Variants in GRID1 observed in about 807,000 individuals in gnomAD.
GRID1 encodes glutamate receptor ionotropic, delta-1.
In GRID1, 28 loss-of-function variants were observed where a neutral mutation model predicts 98.0. The observed-to-expected ratio is 0.29, with a 90% CI of 0.21 to 0.39. The LOEUF (loss-of-function observed/expected upper bound fraction) is 0.39, where lower values mean the gene tolerates loss of function less well. GRID1 is among the 10% of genes least tolerant of loss of function. GRID1 has a pLI of 1.00. For missense variants in GRID1, 1,111 were observed against 1,340.5 expected (o/e 0.83, Z 2.67); for synonymous variants, 553 against 538.5 (o/e 1.03, Z -0.37).
chr10:85,739,168 A>T (rs1287577406), intron 8 of GRID1, among the ~76,000 whole-genome samples: 2 of 152,134 alleles, frequency 1.3e-5, no homozygotes. Context: ...ACACACACAC[A>T]CATACAATGA....
chr10:85,781,181 C>T (rs1054900197), intron 8 of GRID1, among the ~76,000 whole-genome samples: 9 of 152,306 alleles, frequency 5.9e-5, no homozygotes, highest in East Asian at 3.9e-4. Context: ...TGAATCTCTG[C>T]TCACAGATGG....
At chr10:86,308,531 G>GTA (rs1014558437) in intron 2 of GRID1, among the ~76,000 whole-genome samples, 2 of 152,192 alleles carry the variant, frequency 1.3e-5, no homozygotes, top group Non-Finnish European at 2.9e-5. Flanking sequence ...CCATGGGGTG[G>GTA]TATTGTTCAA....
rs139294485 is a variant in GRID1, at chr10:85,658,481, T to C, written c.1998-11084A>G. Among the ~76,000 whole-genome samples the C allele has an allele frequency of 1.1e-4, 17 of 152,336 alleles. 1 individual carries two copies. Among genetic ancestry groups the C allele is most frequent in the Admixed American group, 5.9e-4 (9 of 15,304 alleles). On this transcript the variant is annotated intron_variant, in intron 12 of 15. Coordinates refer to ENST00000327946, the MANE Select transcript of GRID1 (RefSeq NM_017551.3). ...TATGGAAGGTCACAGAAGCAGCAAG[T>C]ACAAGAGCTGTCTTCATACTCAGGA...
intron 4 of GRID1, among the ~76,000 whole-genome samples, chr10:85,968,658 A>G (rs1392750647): frequency 6.6e-6 from 1 of 152,148 alleles, no homozygotes; most frequent in Non-Finnish European, 1.5e-5. Flanking sequence ...TAACATGTTA[A>G]TTGTAATTCC....
intron 2 of GRID1, among the ~76,000 whole-genome samples, chr10:86,268,993 A>C (rs1325353810): frequency 6.6e-6 from 1 of 151,826 alleles, no homozygotes; most frequent in Non-Finnish European, 1.5e-5. Flanking sequence ...CTGTCTCAAA[A>C]AAAAATGAAA....
At chr10:85,845,951 T>C (rs1203474762) in intron 8 of GRID1, among the ~76,000 whole-genome samples, 1 of 152,126 alleles carries the variant, frequency 6.6e-6, no homozygotes, top group Non-Finnish European at 1.5e-5. Flanking sequence ...TCAAAACTGG[T>C]TCCATTTGGT....
In GRID1 at chr10:86,153,501, C is replaced by T. The variant is rs1845199177; in HGVS notation, c.521-14477G>A. The stretch of plus-strand genomic sequence containing the variant: ...TTTACTATTATCTGCGCTCTTGAGG[C>T]TATTAATGTCTATCCTATCTGAAAC... On this transcript the variant is annotated intron_variant, in intron 3 of 15. Coordinates refer to ENST00000327946, the MANE Select transcript of GRID1 (RefSeq NM_017551.3). Among the ~76,000 whole-genome samples the T allele has an allele frequency of 5.3e-5, 8 of 152,234 alleles. No homozygotes were observed. The South Asian group carries it at 1.7e-3, about 31-fold the overall frequency.
chr10:85,980,114 T>TC (rs1397353322), intron 4 of GRID1, among the ~76,000 whole-genome samples: 2 of 152,200 alleles, frequency 1.3e-5, no homozygotes, highest in Non-Finnish European at 2.9e-5. Flanking sequence ...GCTCTCCCCT[T>TC]CCTCCTTCCC....
chr10:85,720,351 C>G (rs951216663), intron 12 of GRID1, among the ~76,000 whole-genome samples: 1 of 151,830 alleles, frequency 6.6e-6, no homozygotes, highest in Non-Finnish European at 1.5e-5. Flanking sequence ...TATAGATGCA[C>G]GTCCTAGAAT....
At chr10:86,108,759 T>C (rs1170444515) in intron 4 of GRID1, among the ~76,000 whole-genome samples, 1 of 152,226 alleles carries the variant, frequency 6.6e-6, no homozygotes, top group African/African-American at 2.4e-5. Context: ...AGAGAGGTCT[T>C]TGATCACTTT....
At chr10:85,893,072 G>C (rs1453515383) in intron 5 of GRID1, among the ~76,000 whole-genome samples, 1 of 151,974 alleles carries the variant, frequency 6.6e-6, no homozygotes, top group African/African-American at 2.4e-5. Flanking sequence ...ACTGCAGGTT[G>C]GTTTTACACT....
At position 85,602,384 on chromosome 10, in the gene GRID1, C is replaced by T. The variant is rs145472189; in HGVS notation, c.2919G>A (p.Gly973=). 1,751 of 1,609,346 alleles carry T rather than the reference C, an allele frequency of 1.1e-3. 21 individuals are homozygous for T. The East Asian group carries it at 0.023, about 21-fold the overall frequency. The part of the protein sequence containing the change: ...SMQCKHRSPN[G]GLFRQSPVKT... ...TCACCGGGCTCTGCCGGAACAGCCC[C>T]CCGTTGGGTGACCTGTGTTTGCACT... The change falls in exon 16 of 16, where the codon GGG becomes GGA. Residue 973 remains glycine, a synonymous_variant. Coordinates refer to ENST00000327946, the MANE Select transcript of GRID1 (RefSeq NM_017551.3).
intron 4 of GRID1, among the ~76,000 whole-genome samples, chr10:86,036,772 G>A (rs893607957): frequency 3.3e-5 from 5 of 152,164 alleles, no homozygotes; most frequent in Admixed American, 6.5e-5. Flanking sequence ...GATGAGGATC[G>A]ACTGAAACAC....
chr10:86,181,594 C>T (rs1845656175), intron 3 of GRID1, among the ~76,000 whole-genome samples: 1 of 152,164 alleles, frequency 6.6e-6, no homozygotes, highest in East Asian at 1.9e-4. Flanking sequence ...CATCTGTCCA[C>T]CCTTCCTTGA....
intron 2 of GRID1, among the ~76,000 whole-genome samples, chr10:86,303,041 A>C (rs11201971): frequency 0.035 from 5,258 of 152,300 alleles, 133 homozygotes; most frequent in Non-Finnish European, 0.058. Context: ...CAGGTATAAG[A>C]GATATTTTGG....
At chr10:85,981,185 C>G (rs1018295257) in intron 4 of GRID1, among the ~76,000 whole-genome samples, 6 of 152,182 alleles carry the variant, frequency 3.9e-5, no homozygotes, top group African/African-American at 1.2e-4. Flanking sequence ...AGAAATGCAC[C>G]ACCAGCAGCC....
intron 3 of GRID1, among the ~76,000 whole-genome samples, chr10:86,177,417 A>T (rs1411654997): frequency 1.3e-5 from 2 of 152,054 alleles, no homozygotes; most frequent in Non-Finnish European, 2.9e-5. Context: ...GCATATGTGC[A>T]TGAGAGACAG....
intron 4 of GRID1, among the ~76,000 whole-genome samples, chr10:86,129,871 T>C (rs1844807827): frequency 6.6e-6 from 1 of 152,252 alleles, no homozygotes; most frequent in African/African-American, 2.4e-5. Flanking sequence ...CCCCTGCCTG[T>C]TGAGCTGACT....
At chr10:85,614,970 A>C (rs72841440) in intron 14 of GRID1, among the ~76,000 whole-genome samples, 4 of 152,082 alleles carry the variant, frequency 2.6e-5, no homozygotes, top group African/African-American at 9.7e-5. Context: ...TTTTCGACTG[A>C]TATCATCAGT....
Sources: allele counts gnomAD v4.1 joint callset (sites outside exome capture counted in the v4.1 genomes callset), GRCh38; gene constraint gnomAD v4.1.1; transcripts MANE v1.5; gene names NCBI Gene and HGNC (gene_info 2026-07-23, HGNC 2026-07-21).